PCDH11Y: variants seen among roughly 807,000 people sequenced by gnomAD.
PCDH11Y encodes the protein protocadherin 11 Y-linked.
For synonymous variants in PCDH11Y, 9 were observed against 83.6 expected, an observed-to-expected ratio of 0.11 and a Z score of 4.87; for missense variants, 12 against 224.8, an observed-to-expected ratio of 0.05 and a Z score of 6.05.
At chrY:5,338,454 G>A in intron 2 of PCDH11Y, 1 of 388,746 alleles carries the variant, frequency 2.6e-6, no homozygotes. Flanking sequence ...TTGGGAGACA[G>A]GTATCTCTGG....
At chrY:5,647,743 G>C (rs376193001) in intron 4 of PCDH11Y, among the ~76,000 whole-genome samples, 29 of 33,013 alleles carry the variant, frequency 8.8e-4, no homozygotes, top group South Asian at 2.0e-3. Context: ...CCGACCTCAG[G>C]TGATCCACCT....
chrY:5,378,176 T>C lies in PCDH11Y; in HGVS notation c.3130-122881T>C, dbSNP rs199566037. 1.4e-3 allele frequency among the ~76,000 whole-genome samples: 44 copies of C among 31,757 alleles called. No individual in the cohort carries two copies. In the East Asian group the frequency reaches 0.036, roughly 26 times the overall value. The allele number at this position is 31,757 out of a possible 37,273, so 85.2% of individuals were successfully genotyped here. ...CTACAGGAGGATGCATCTGTATAGT[T>C]CCTTTGTCTGAAATTTTAACTTTAA... On this transcript the variant is annotated intron_variant, in intron 2 of 4. Coordinates refer to the PCDH11Y transcript ENST00000400457.
chrY:5,521,934 A>G (rs2053381481), intron 3 of PCDH11Y, among the ~76,000 whole-genome samples: 1 of 32,897 alleles, frequency 3.0e-5, no homozygotes. Context: ...CAGTGGCGCA[A>G]TCGATCTCGG....
chrY:5,504,788 A>T, intron 3 of PCDH11Y, among the ~76,000 whole-genome samples: 1 of 32,996 alleles, frequency 3.0e-5, no homozygotes, highest in African/African-American at 1.2e-4. Context: ...CTGTAAACAC[A>T]TTAAACTATG....
chrY:5,382,585 T>C, intron 2 of PCDH11Y, among the ~76,000 whole-genome samples: 1 of 33,252 alleles, frequency 3.0e-5, no homozygotes, highest in African/African-American at 1.2e-4. Flanking sequence ...AAAATGACAT[T>C]TACATTAAAA....
chrY:5,258,410 C>A, intron 2 of PCDH11Y, among the ~76,000 whole-genome samples: 3 of 25,726 alleles, frequency 1.2e-4, no homozygotes, highest in Admixed American at 9.2e-4. Flanking sequence ...TGAAGTTTTT[C>A]TTTTTCTTTT....
intron 2 of PCDH11Y, among the ~76,000 whole-genome samples, chrY:5,195,445 A>T: frequency 3.0e-5 from 1 of 33,487 alleles, no homozygotes; most frequent in Non-Finnish European, 7.4e-5. Flanking sequence ...ATTTTCAATG[A>T]GCTATAAAGA....
chrY:5,353,927 G>A (rs2053162581), intron 2 of PCDH11Y, among the ~76,000 whole-genome samples: 1 of 33,308 alleles, frequency 3.0e-5, no homozygotes, highest in Non-Finnish European at 7.4e-5. Context: ...GAACCCGGGA[G>A]GCAGAGGTTG....
chrY:5,039,693 C>T (rs1602842596), intron 3 of PCDH11Y, among the ~76,000 whole-genome samples: 1 of 33,387 alleles, frequency 3.0e-5, no homozygotes, highest in African/African-American at 1.2e-4. Flanking sequence ...AAGAATGGTG[C>T]CTTTATTTTC....
At chrY:5,397,905 C>G in intron 2 of PCDH11Y, among the ~76,000 whole-genome samples, 1 of 32,749 alleles carries the variant, frequency 3.1e-5, no homozygotes, top group Non-Finnish European at 7.4e-5. Flanking sequence ...CCCCATTGCT[C>G]AAGATTCAGT....
chrY:5,697,717 A>C, intron 4 of PCDH11Y, among the ~76,000 whole-genome samples: 1 of 32,938 alleles, frequency 3.0e-5, no homozygotes, highest in Non-Finnish European at 7.4e-5. Flanking sequence ...GTGTCTTTGC[A>C]TGTGAGATGG....
At chrY:5,553,454 G>A (rs2053420640) in intron 3 of PCDH11Y, among the ~76,000 whole-genome samples, 1 of 31,111 alleles carries the variant, frequency 3.2e-5, no homozygotes. Context: ...TCCCCACTCT[G>A]GTAGTCCTCA....
intron 2 of PCDH11Y, among the ~76,000 whole-genome samples, chrY:5,291,870 T>A: frequency 3.0e-5 from 1 of 33,046 alleles, no homozygotes; most frequent in Non-Finnish European, 7.5e-5. Context: ...CCCCATTAAC[T>A]ATAATATTAG....
intron 2 of PCDH11Y, among the ~76,000 whole-genome samples, chrY:5,032,261 A>C: frequency 1.2e-4 from 4 of 33,718 alleles, no homozygotes; most frequent in Admixed American, 2.7e-4. Flanking sequence ...CCTATTCCAT[A>C]TAAATAAAAC....
At chrY:5,643,010 C>T (rs2124705254) in intron 4 of PCDH11Y, among the ~76,000 whole-genome samples, 1 of 33,400 alleles carries the variant, frequency 3.0e-5, no homozygotes, top group East Asian at 7.8e-4. Context: ...ACTTTTCTTA[C>T]TCCCCAATCC....
chrY:5,020,031 A>G, intron 1 of PCDH11Y, among the ~76,000 whole-genome samples: 1 of 24,458 alleles, frequency 4.1e-5, no homozygotes, highest in Non-Finnish European at 8.5e-5. Context: ...TTTCCTTATC[A>G]TATATCATCA....
At chrY:5,445,595 C>A in intron 2 of PCDH11Y, among the ~76,000 whole-genome samples, 1 of 30,353 alleles carries the variant, frequency 3.3e-5, no homozygotes, top group Non-Finnish European at 7.9e-5. Flanking sequence ...AATGTCCTGA[C>A]TCTTGTGGTA....
intron 2 of PCDH11Y, among the ~76,000 whole-genome samples, chrY:5,484,734 A>G (rs2053329932): frequency 1.2e-3 from 40 of 33,881 alleles, no homozygotes; most frequent in South Asian, 7.3e-3. Flanking sequence ...AAATAAGGAA[A>G]TGAAGAACCA....
chrY:5,292,997 C>A, intron 2 of PCDH11Y, among the ~76,000 whole-genome samples: 1 of 31,174 alleles, frequency 3.2e-5, no homozygotes, highest in South Asian at 7.4e-4. Context: ...TTCTTAATTT[C>A]TTTATTGACC....
Sources: allele counts gnomAD v4.1 joint callset (sites outside exome capture counted in the v4.1 genomes callset), GRCh38; gene constraint gnomAD v4.1.1; transcripts MANE v1.5; gene names NCBI Gene and HGNC (gene_info 2026-07-23, HGNC 2026-07-21).